The following FARP1 variants were observed in gnomAD, a reference collection of about 807,000 sequenced individuals.
The protein encoded by FARP1 is FERM, ARH/RhoGEF and pleckstrin domain protein 1.
Under a neutral mutation model 128.8 loss-of-function variants are expected in FARP1, and 52 were observed. That is an observed-to-expected ratio of 0.40 (90% CI 0.32 to 0.51). FARP1 has a LOEUF of 0.51. FARP1 is among the 20% of genes least tolerant of loss of function. The probability of loss-of-function intolerance (pLI) is 0.45; values close to 1 mark genes in which losing one functional copy is unlikely to be tolerated. For synonymous variants in FARP1, 580 were observed against 551.8 expected (o/e 1.05, Z -0.72); for missense variants, 1,333 against 1,367.9 (o/e 0.97, Z 0.40).
intron 13 of FARP1, 78 bp from the exon 14 acceptor site, chr13:98,409,260 G>A (rs1891095555): frequency 7.0e-6 from 8 of 1,138,756 alleles, no homozygotes; most frequent in Non-Finnish European, 9.9e-6. Context: ...ATTTGAAAAA[G>A]GTGAAAGTAG....
chr13:98,411,824 A>G (rs1891203526), intron 15 of FARP1, 77 bp from the exon 16 acceptor site: 1 of 1,517,864 alleles, frequency 6.6e-7, no homozygotes, highest in South Asian at 1.2e-5. Flanking sequence ...ATTTGGCTGC[A>G]TGTGACTTCT....
At chr13:98,228,804 C>T (rs1395157219) in intron 2 of FARP1, among the ~76,000 whole-genome samples, 1 of 152,124 alleles carries the variant, frequency 6.6e-6, no homozygotes, top group African/African-American at 2.4e-5. Flanking sequence ...GGTTTCTAGG[C>T]TATCCGATGA....
intron 11 of FARP1, among the ~76,000 whole-genome samples, chr13:98,392,789 G>A (rs1431175169): frequency 6.6e-6 from 1 of 150,768 alleles, no homozygotes; most frequent in Non-Finnish European, 1.5e-5. Flanking sequence ...GCTTTCTCAT[G>A]CCCTGTCTCT....
At chr13:98,200,387 A>ACCCCCCCCCCCCCCCCCCC (rs34861204) in intron 1 of FARP1, among the ~76,000 whole-genome samples, 1 of 127,538 alleles carries the variant, frequency 7.8e-6, no homozygotes, top group African/African-American at 3.1e-5. Flanking sequence ...TGCAACCTTC[A>ACCCCCCCCCCCCCCCCCCC]CCCCCCCCCC....
chr13:98,214,045 T>C (rs779567473), intron 2 of FARP1, among the ~76,000 whole-genome samples: 2 of 152,022 alleles, frequency 1.3e-5, no homozygotes, highest in Admixed American at 6.5e-5. Context: ...CAGAGCAGCC[T>C]GGGGGCCGGA....
intron 2 of FARP1, among the ~76,000 whole-genome samples, chr13:98,341,631 CA>C (rs937343242): frequency 6.6e-6 from 1 of 151,774 alleles, no homozygotes. Context: ...AACTCCGTTT[CA>C]AAAAAACAAA....
At chr13:98,241,978 G>A (rs1217868973) in intron 2 of FARP1, among the ~76,000 whole-genome samples, 1 of 152,176 alleles carries the variant, frequency 6.6e-6, no homozygotes, top group Admixed American at 6.5e-5. Flanking sequence ...GGTGGTATGT[G>A]CCTGTAGTCC....
chr13:98,415,976 A>G (rs557402874), intron 16 of FARP1, among the ~76,000 whole-genome samples: 2 of 152,250 alleles, frequency 1.3e-5, no homozygotes, highest in African/African-American at 4.8e-5. Context: ...GTGTTACGCA[A>G]ATGGCACAGT....
chr13:98,309,151 GC>G lies in FARP1; in HGVS notation c.172-34609del, dbSNP rs1886325220. On this transcript the variant is annotated intron_variant, in intron 2 of 26. Coordinates refer to ENST00000319562, the MANE Select transcript of FARP1 (RefSeq NM_005766.4). ...AATATATTAATATTAATTTTAAGAG[GC>G]CTTTTTTTTTTTTTTTTTTTTTTTT... 2.5e-4 allele frequency among the ~76,000 whole-genome samples: 30 copies of G among 119,982 alleles called. 1 individual carries two copies. The highest frequency in any genetic ancestry group is 9.0e-4 in the African/African-American group (27 of 29,854). 78.7% of individuals were successfully genotyped at this position (119,982 alleles called of 152,430 possible).
chr13:98,153,496 TA>T (rs1330767597), intron 1 of FARP1, among the ~76,000 whole-genome samples: 8 of 135,664 alleles, frequency 5.9e-5, no homozygotes, highest in African/African-American at 1.3e-4. Context: ...ATACATTATA[TA>T]AAAATATGTA....
intron 2 of FARP1, among the ~76,000 whole-genome samples, chr13:98,310,869 A>G (rs555442035): frequency 6.6e-6 from 1 of 152,330 alleles, no homozygotes; most frequent in Admixed American, 6.5e-5. Context: ...TGCAGAGAGA[A>G]GCTCTTTGGA....
chr13:98,262,988 C>T (rs1226003221), intron 2 of FARP1, among the ~76,000 whole-genome samples: 1 of 151,430 alleles, frequency 6.6e-6, no homozygotes, highest in Non-Finnish European at 1.5e-5. Context: ...ACAGTTTCAT[C>T]TTAAACATTA....
intron 1 of FARP1, chr13:98,177,374 C>G: frequency 1.5e-6 from 1 of 656,948 alleles, no homozygotes. Context: ...AGGCCAGGCG[C>G]GGTGACTCAC....
At chr13:98,382,862 G>A (rs3848020) in intron 6 of FARP1, among the ~76,000 whole-genome samples, 41,133 of 151,992 alleles carry the variant, frequency 0.27, 5,565 homozygotes, top group South Asian at 0.37. Flanking sequence ...GTGCTGAAGC[G>A]CTGTCTGTCT....
At chr13:98,232,145 G>GTTTTTTTTTTTTTTTTTTTTT (rs59209045) in intron 2 of FARP1, among the ~76,000 whole-genome samples, 9 of 105,784 alleles carry the variant, frequency 8.5e-5, no homozygotes, top group East Asian at 2.5e-4. Context: ...TGTTTGGTTG[G>GTTTTTTTTTTTTTTTTTTTTT]TTTTTTTTTT....
intron 2 of FARP1, chr13:98,329,528 G>T (rs771341870): frequency 6.6e-6 from 1 of 152,154 alleles, no homozygotes; most frequent in Non-Finnish European, 1.5e-5. Flanking sequence ...CGACCGTGCT[G>T]GCGTGCACCT....
intron 6 of FARP1, among the ~76,000 whole-genome samples, chr13:98,382,118 T>G (rs1354744114): frequency 6.6e-6 from 1 of 151,248 alleles, no homozygotes; most frequent in African/African-American, 2.4e-5. Flanking sequence ...CCCCAGGTAC[T>G]TGGGAAGCTG....
chr13:98,159,109 G>T (rs190977700), intron 1 of FARP1, among the ~76,000 whole-genome samples: 39 of 152,360 alleles, frequency 2.6e-4, no homozygotes, highest in African/African-American at 5.1e-4. Context: ...GCATGGCAAA[G>T]TGCATGTAGG....
chr13:98,339,089 G>A (rs1887858241), intron 2 of FARP1, among the ~76,000 whole-genome samples: 1 of 152,064 alleles, frequency 6.6e-6, no homozygotes, highest in African/African-American at 2.4e-5. Flanking sequence ...GTACACATTG[G>A]GGTGTTAATG....
Sources: allele counts gnomAD v4.1 joint callset (sites outside exome capture counted in the v4.1 genomes callset), GRCh38; gene constraint gnomAD v4.1.1; transcripts MANE v1.5; gene names NCBI Gene and HGNC (gene_info 2026-07-23, HGNC 2026-07-21).